The following CSMD2 variants were observed in gnomAD, a reference collection of about 807,000 sequenced individuals.
CSMD2 encodes CUB and sushi domain-containing protein 2.
In CSMD2, 130 loss-of-function variants were observed where a neutral mutation model predicts 398.5. The ratio of observed to expected loss-of-function variants is 0.33; its 90% confidence interval spans 0.28 to 0.38. The LOEUF (loss-of-function observed/expected upper bound fraction) is 0.38, where lower values mean the gene tolerates loss of function less well. Among genes scored for constraint, CSMD2 ranks in the 10% least tolerant of loss-of-function variants. The pLI, the probability that CSMD2 is intolerant of heterozygous loss-of-function variation, is 1.00. For missense variants in CSMD2, 3,829 were observed against 4,764.9 expected (o/e 0.80, Z 5.78); for synonymous variants, 1,828 against 1,908.5 (o/e 0.96, Z 1.10).
rs1239204990 is a variant in CSMD2, at chr1:33,724,551, T to C, written c.2849A>G (p.Asn950Ser). 17 of 1,614,054 alleles carry C rather than the reference T, an allele frequency of 1.1e-5. No individual in the cohort carries two copies. Among genetic ancestry groups the C allele is most frequent in the Non-Finnish European group, 1.4e-5 (17 of 1,180,028 alleles). The stretch of plus-strand genomic sequence containing the variant: ...GGGCAGGGCCCGGCTCCACTGGAAG[T>C]TGGGCTCACACTCCAGAGGCTCCCC... ...SDGEPLECEP[N>S]FQWSRALPSC... Residue 950 changes from asparagine to serine, a missense_variant, in exon 18 of 71, where the codon AAC becomes AGC. Around this residue, in one of 5 missense-constraint regions of CSMD2, gnomAD observed 2,001 missense variants for 2,567.1 expected, o/e 0.78. Coordinates refer to ENST00000373381, the MANE Select transcript of CSMD2 (RefSeq NM_001281956.2).
intron 5 of CSMD2, among the ~76,000 whole-genome samples, chr1:33,867,503 C>T (rs1640128113): frequency 6.6e-6 from 1 of 152,228 alleles, no homozygotes; most frequent in African/African-American, 2.4e-5. Context: ...AATGTTTAAA[C>T]CATATGAGTG....
chr1:33,846,784 C>T (rs1638278559), intron 6 of CSMD2, 100 bp downstream of exon 6: 5 of 617,828 alleles, frequency 8.1e-6, no homozygotes, highest in Non-Finnish European at 1.1e-5. Flanking sequence ...GGCAAGGATG[C>T]CTGAAGCCAC....
chr1:33,728,395 A>G (rs1365872481), intron 15 of CSMD2, among the ~76,000 whole-genome samples: 1 of 152,212 alleles, frequency 6.6e-6, no homozygotes, highest in Non-Finnish European at 1.5e-5. Flanking sequence ...TATTCTTAAT[A>G]GAAACTTATA....
chr1:34,159,336 C>A (rs567328300), intron 1 of CSMD2, among the ~76,000 whole-genome samples: 4 of 89,780 alleles, frequency 4.5e-5, no homozygotes, highest in Middle Eastern at 5.8e-3. Context: ...CTGCCCCCCC[C>A]CCACCCAGGA....
At chr1:33,972,226 G>A (rs1005436689) in intron 3 of CSMD2, among the ~76,000 whole-genome samples, 6 of 152,160 alleles carry the variant, frequency 3.9e-5, no homozygotes, top group Admixed American at 2.0e-4. Flanking sequence ...TGCTGTCCTC[G>A]AGGCTAAGCC....
Position 33,658,094 on chromosome 1 carries a change from A to G in CSMD2, c.4299T>C (p.Asn1433=), listed in dbSNP as rs748997896. ...CCCAACTGTCACCACTCCGACTCCC[A>G]TTCTGCGGGATCCCAGGGTCATTGC... The part of the protein sequence containing the change: ...TSCNDPGIPQ[N]GSRSGDSWEA... Residue 1433 remains asparagine (N), a synonymous_variant, in exon 27 of 71, where the codon AAT becomes AAC. Coordinates refer to ENST00000373381, the MANE Select transcript of CSMD2 (RefSeq NM_001281956.2). 6.2e-7 allele frequency: 1 copy of G among 1,614,132 alleles called. No homozygotes were observed. The highest frequency in any genetic ancestry group is 1.1e-5 in the South Asian group (1 of 91,068).
intron 55 of CSMD2, among the ~76,000 whole-genome samples, chr1:33,556,411 A>G (rs1657978970): frequency 6.6e-6 from 1 of 152,190 alleles, no homozygotes; most frequent in African/African-American, 2.4e-5. Context: ...AGTTGTCCAG[A>G]CTGGAGGGCC....
At chr1:33,889,723 GAAT>G (rs1252440802) in intron 5 of CSMD2, among the ~76,000 whole-genome samples, 2 of 150,860 alleles carry the variant, frequency 1.3e-5, no homozygotes, top group South Asian at 2.1e-4. Flanking sequence ...GCAAGCTGTA[GAAT>G]AATATGTTTA....
rs1557471401 is a variant in CSMD2 at position 33,519,506 on chromosome 1, C to T, written c.*12G>A. Reference sequence around the variant, plus strand: ...GGCTCTCGGTGGCGGTGGTGGCGGCCAGGCCGGGTGGCTATACTGCTGTGC... The same window carrying T: ...GGCTCTCGGTGGCGGTGGTGGCGGCTAGGCCGGGTGGCTATACTGCTGTGC... On this transcript the variant is annotated 3_prime_UTR_variant, in exon 70 of 71. Coordinates refer to ENST00000373381, the MANE Select transcript of CSMD2 (RefSeq NM_001281956.2). The surrounding 1 kb of genome is among the most constrained non-coding windows in gnomAD (Gnocchi z 5.6). The T allele has an allele frequency of 6.2e-7, 1 of 1,607,202 alleles. No individual in the cohort carries two copies. The highest frequency in any genetic ancestry group is 8.5e-7 in the Non-Finnish European group (1 of 1,177,306).
chr1:33,842,388 C>G (rs1660943416), intron 6 of CSMD2, among the ~76,000 whole-genome samples: 1 of 152,208 alleles, frequency 6.6e-6, no homozygotes, highest in African/African-American at 2.4e-5. Flanking sequence ...CACGTCTCCC[C>G]TTTCATTAAC....
At chr1:34,128,311 C>G (rs1018279904) in intron 1 of CSMD2, among the ~76,000 whole-genome samples, 1 of 152,182 alleles carries the variant, frequency 6.6e-6, no homozygotes, top group African/African-American at 2.4e-5. Context: ...GGCGGAAAAC[C>G]TCTCCGGCTC....
intron 5 of CSMD2, among the ~76,000 whole-genome samples, chr1:33,874,813 G>A (rs113065170): frequency 9.6e-4 from 147 of 152,352 alleles, no homozygotes; most frequent in African/African-American, 3.4e-3. Flanking sequence ...CGATACCCAT[G>A]TTACAACGAA....
intron 13 of CSMD2, among the ~76,000 whole-genome samples, chr1:33,771,561 T>C (rs1651268747): frequency 2.0e-5 from 3 of 151,820 alleles, no homozygotes; most frequent in African/African-American, 2.4e-5. Flanking sequence ...TTTTTTTTCA[T>C]TTAAAAAGTA....
At chr1:33,796,441 A>G (rs1035780662) in intron 10 of CSMD2, among the ~76,000 whole-genome samples, 4 of 152,196 alleles carry the variant, frequency 2.6e-5, no homozygotes, top group Non-Finnish European at 4.4e-5. Context: ...CTTTACTTCA[A>G]TCTCTGAATG....
intron 25 of CSMD2, among the ~76,000 whole-genome samples, chr1:33,688,554 G>T (rs183666446): frequency 6.3e-4 from 96 of 152,318 alleles, no homozygotes; most frequent in African/African-American, 2.3e-3. Context: ...GCTGGGCACA[G>T]TGGCTCACAC....
At chr1:33,944,843 C>G (rs1200716568) in intron 3 of CSMD2, among the ~76,000 whole-genome samples, 1 of 152,076 alleles carries the variant, frequency 6.6e-6, no homozygotes, top group African/African-American at 2.4e-5. Context: ...AAGGGCTGTG[C>G]CTTTTACCAT....
chr1:33,839,312 G>T (rs934423357), intron 6 of CSMD2: 2 of 152,206 alleles, frequency 1.3e-5, no homozygotes, highest in Non-Finnish European at 2.9e-5. Context: ...CTCTCAGTAT[G>T]ATCATTTAAA....
intron 32 of CSMD2, among the ~76,000 whole-genome samples, chr1:33,628,287 T>C (rs1642249497): frequency 1.3e-5 from 2 of 151,166 alleles, no homozygotes; most frequent in Admixed American, 6.6e-5. Context: ...ACGAGAGAAA[T>C]GACAAGTGAC....
At chr1:33,890,826 GA>G (rs1238414934) in intron 5 of CSMD2, among the ~76,000 whole-genome samples, 1 of 152,028 alleles carries the variant, frequency 6.6e-6, no homozygotes, top group African/African-American at 2.4e-5. Flanking sequence ...ATGGTACTGG[GA>G]AAACTGGCTA....
Sources: allele counts gnomAD v4.1 joint callset (sites outside exome capture counted in the v4.1 genomes callset), GRCh38; gene constraint gnomAD v4.1.1; regional missense constraint gnomAD v4.1.1; non-coding constraint Gnocchi (gnomAD v3.1); transcripts MANE v1.5; gene names NCBI Gene and HGNC (gene_info 2026-07-23, HGNC 2026-07-21).